L3MBTL1: variants seen among roughly 807,000 people sequenced by gnomAD.
L3MBTL1 encodes the protein lethal(3)malignant brain tumor-like protein 1.
Under a neutral mutation model 105.3 loss-of-function variants are expected in L3MBTL1, and 75 were observed. The ratio of observed to expected loss-of-function variants is 0.71; its 90% confidence interval spans 0.59 to 0.86. The LOEUF (loss-of-function observed/expected upper bound fraction) is 0.86, where lower values mean the gene tolerates loss of function less well. Ranked by LOEUF, L3MBTL1 falls within the 40% of genes least tolerant of loss-of-function variation. The pLI is 0.00. For missense variants in L3MBTL1, 1,069 were observed against 1,126.4 expected (o/e 0.95, Z 0.73); for synonymous variants, 452 against 436.2 (o/e 1.04, Z -0.45).
chr20:43,528,620 C>T, intron 7 of L3MBTL1, 37 bp from the exon 8 acceptor site: 1 of 1,516,712 alleles, frequency 6.6e-7, no homozygotes, highest in Non-Finnish European at 9.2e-7. Flanking sequence ...ATATCAGGAA[C>T]AGCCCAGGAG....
chr20:43,528,861 A>G, intron 8 of L3MBTL1, 116 bp downstream of exon 8: 1 of 797,776 alleles, frequency 1.3e-6, no homozygotes, highest in Non-Finnish European at 2.2e-6. Context: ...GACTGGCAGA[A>G]TGGAAAGGGA....
intron 3 of L3MBTL1, 92 bp downstream of exon 3, chr20:43,514,153 G>A (rs1007744429): frequency 2.6e-6 from 3 of 1,162,448 alleles, no homozygotes; most frequent in African/African-American, 1.5e-5. Context: ...ACGGAAGTGG[G>A]GGAAGCTGGC....
In L3MBTL1 at chr20:43,516,122, G is replaced by A. The variant is rs2018376205; in HGVS notation, c.807G>A (p.Glu269=). ...MEKQEEGKDP[E]GQPTASTPES... ...AGCAAGAAGAAGGAAAGGACCCAGAGGGACAACCCACTGCTAGCACCCCAG... is the reference window on the plus strand; with the variant it reads ...AGCAAGAAGAAGGAAAGGACCCAGAAGGACAACCCACTGCTAGCACCCCAG... The change falls in exon 7 of 22, where the codon GAG becomes GAA. Residue 269 remains glutamate, a synonymous_variant. Coordinates refer to ENST00000418998, the MANE Select transcript of L3MBTL1 (RefSeq NM_001377303.1). 6.2e-7 allele frequency: 1 copy of A among 1,613,966 alleles called. No individual in the cohort carries two copies. Among genetic ancestry groups the A allele is most frequent in the Admixed American group, 1.7e-5 (1 of 60,004 alleles).
Position 43,515,026 on chromosome 20 carries a change from C to T in L3MBTL1, c.520C>T (p.Pro174Ser). The T allele has an allele frequency of 6.2e-7, 1 of 1,613,964 alleles. No individual in the cohort carries two copies. Among genetic ancestry groups the T allele is most frequent in the Non-Finnish European group, 8.5e-7 (1 of 1,179,884 alleles). Residue 174 changes from proline to serine, a missense_variant, in exon 5 of 22, where the codon CCT (proline) becomes TCT (serine). Pro to Ser is a moderately conservative substitution (Grantham distance 74). Coordinates refer to ENST00000418998, the MANE Select transcript of L3MBTL1 (RefSeq NM_001377303.1). ...PQQAEDHPQN[P>S]PEDPNQDPPE... The stretch of plus-strand genomic sequence containing the variant: ...CCCCGCAGAGGACCACCCCCAGAAT[C>T]CTCCAGAAGATCCCAATCAGGACCC...
At chr20:43,542,583 C>T (rs1021832946), downstream of L3MBTL1, among the ~76,000 whole-genome samples, 58 of 139,018 alleles carry the variant, frequency 4.2e-4, no homozygotes, top group African/African-American at 1.4e-3. Context: ...CATTTCCTCT[C>T]GTGTTAAGTC....
intron 19 of L3MBTL1, chr20:43,539,593 G>A (rs1252780339): frequency 4.6e-6 from 1 of 215,296 alleles, no homozygotes; most frequent in East Asian, 1.1e-4. Context: ...GTACAGACCG[G>A]GCTGGTGGAG....
Position 43,515,148 on chromosome 20 carries a change from G to A in L3MBTL1, c.642G>A (p.Leu214=). 2 of 1,614,188 alleles carry A rather than the reference G, an allele frequency of 1.2e-6. No individual in the cohort carries two copies. Among genetic ancestry groups the A allele is most frequent in the East Asian group, 4.5e-5 (2 of 44,880 alleles). Residue 214 remains leucine, a synonymous_variant, in exon 5 of 22, where the codon CTG becomes CTA. Coordinates refer to ENST00000418998, the MANE Select transcript of L3MBTL1 (RefSeq NM_001377303.1). ...CCTCTAATGATGGCTGCCCTCAGCT[G>A]TTCCAGGAGCGGTAAGGGGAGGAGG... ...LGSSNDGCPQ[L]FQERSVIVEN...
At position 43,540,323 on chromosome 20, in the gene L3MBTL1, C is replaced by CCCTTCTTTAT. The variant is rs1244566282; in HGVS notation, c.2331+22_2331+31dup. The stretch of plus-strand genomic sequence containing the variant: ...CCATCGATGAGGTGAGGAGCGAGGG[C>CCCTTCTTTAT]CCTTCTTTATCCTTCTCTTCCTCTC... On this transcript the variant is annotated intron_variant, in intron 20 of 21. Transcript: ENST00000418998. 1.2e-6 allele frequency: 2 copies of CCCTTCTTTAT among 1,611,274 alleles called. No individual in the cohort carries two copies. The highest frequency in any genetic ancestry group is 1.7e-6 in the Non-Finnish European group (2 of 1,178,742).
intron 11 of L3MBTL1, 147 bp from the exon 12 acceptor site, chr20:43,532,626 C>G: frequency 4.9e-6 from 4 of 820,852 alleles, no homozygotes; most frequent in Non-Finnish European, 7.7e-6. Context: ...CCCTGGAGGG[C>G]CCTCTTTCCC....
chr20:43,530,487 G>A (rs2019275638), intron 10 of L3MBTL1, 68 bp downstream of exon 10: 1 of 1,529,024 alleles, frequency 6.5e-7, no homozygotes, highest in African/African-American at 1.4e-5. Flanking sequence ...TTCCCCTTGG[G>A]TCCCCGGCTT....
At chr20:43,513,675 A>G in intron 2 of L3MBTL1, 36 bp downstream of exon 2, 1 of 1,550,412 alleles carries the variant, frequency 6.4e-7, no homozygotes, top group Non-Finnish European at 8.7e-7. Context: ...GGGAAGGAAG[A>G]GCATCTCTGT....
chr20:43,520,892 A>G (rs1014281115), intron 7 of L3MBTL1, among the ~76,000 whole-genome samples: 1 of 152,236 alleles, frequency 6.6e-6, no homozygotes, highest in Admixed American at 6.5e-5. Context: ...CTAAGTTTAC[A>G]TGCAAAATTC....
At chr20:43,535,161 G>C (rs945885579) in intron 16 of L3MBTL1, among the ~76,000 whole-genome samples, 3 of 152,148 alleles carry the variant, frequency 2.0e-5, no homozygotes, top group Admixed American at 2.0e-4. Context: ...TTGGGGTGTT[G>C]AGGTGCAAAG....
chr20:43,532,505 C>T (rs1395793748), intron 11 of L3MBTL1: 1 of 387,146 alleles, frequency 2.6e-6, no homozygotes, highest in Non-Finnish European at 4.6e-6. Context: ...GTTCTTTGGG[C>T]GAACGCATAG....
Position 43,541,847 on chromosome 20 carries a change from A to G in L3MBTL1, c.*719A>G, listed in dbSNP as rs1340783855. 2.0e-6 allele frequency: 2 copies of G among 985,270 alleles called. No individual in the cohort carries two copies. The highest frequency in any genetic ancestry group is 2.4e-6 in the Non-Finnish European group (2 of 829,866). The allele number at this position is 985,270 out of a possible 1,614,324, so 61.0% of individuals were successfully genotyped here. A position where few individuals can be genotyped will look rare whatever the true frequency, so the allele number is the denominator to read the frequency against. ...GTAGATCCAATCACTTTACCTATAC[A>G]AAATGACTGCTATGGTGGGAACACA... On this transcript the variant is annotated 3_prime_UTR_variant, in exon 22 of 22. Coordinates refer to ENST00000418998, the MANE Select transcript of L3MBTL1 (RefSeq NM_001377303.1).
chr20:43,533,984 C>T, intron 13 of L3MBTL1, 24 bp from the exon 14 acceptor site: 1 of 1,578,264 alleles, frequency 6.3e-7, no homozygotes, highest in East Asian at 2.2e-5. Context: ...GGTGGCTAGA[C>T]ATTGCTCTCA....
Position 43,540,314 on chromosome 20 carries a change from G to T in L3MBTL1, c.2331+6G>T. The T allele has an allele frequency of 6.2e-7, 1 of 1,612,558 alleles. No homozygotes were observed. On this transcript the variant is annotated splice_donor_region_variant and intron_variant, in intron 20 of 21. Coordinates refer to ENST00000418998, the MANE Select transcript of L3MBTL1 (RefSeq NM_001377303.1). Reference sequence around the variant, plus strand: ...CCAAGTGGACCATCGATGAGGTGAGGAGCGAGGGCCCTTCTTTATCCTTCT... The same window carrying T: ...CCAAGTGGACCATCGATGAGGTGAGTAGCGAGGGCCCTTCTTTATCCTTCT...
chr20:43,550,281 A>G (rs949735999), exon 19 of L3MBTL1: 13 of 152,246 alleles, frequency 8.5e-5, no homozygotes, highest in African/African-American at 2.9e-4. Context: ...GTGGGACCTC[A>G]CAGCTTCTAA....
At chr20:43,515,997 C>A in intron 6 of L3MBTL1, 96 bp from the exon 7 acceptor site, 1 of 911,360 alleles carries the variant, frequency 1.1e-6, no homozygotes, top group South Asian at 1.4e-5. Flanking sequence ...CAGAACACCA[C>A]ATGGCCAGAG....
Sources: gnomAD v4.1 joint callset for allele counts (sites outside exome capture counted in the v4.1 genomes callset) on GRCh38, gnomAD v4.1.1 for gene constraint, MANE v1.5 for transcripts, NCBI Gene and HGNC (gene_info 2026-07-23, HGNC 2026-07-21) for gene names.